Variants in FSD1 observed in about 807,000 individuals in gnomAD.
The protein encoded by FSD1 is fibronectin type III and SPRY domain containing 1.
A neutral mutation model predicts 58.2 loss-of-function variants in FSD1; 23 were observed. That is an observed-to-expected ratio of 0.40 (90% CI 0.28 to 0.56). The LOEUF (loss-of-function observed/expected upper bound fraction) is 0.56, where lower values mean the gene tolerates loss of function less well. FSD1 is among the 20% of genes least tolerant of loss of function. The pLI, the probability that FSD1 is intolerant of heterozygous loss-of-function variation, is 0.54. For synonymous variants in FSD1, 265 were observed against 263.4 expected, an observed-to-expected ratio of 1.01 and a Z score of -0.06; for missense variants, 563 against 670.8, an observed-to-expected ratio of 0.84 and a Z score of 1.78.
At chr19:4,311,135 ACCT>A (rs1357006150) in intron 6 of FSD1, 1 of 152,936 alleles carries the variant, frequency 6.5e-6, no homozygotes, top group East Asian at 2.0e-4. Flanking sequence ...TCCTCCCGAG[ACCT>A]CCTCCCTGGA....
intron 7 of FSD1, among the ~76,000 whole-genome samples, chr19:4,312,445 C>A (rs183495150): frequency 6.6e-6 from 1 of 151,418 alleles, no homozygotes; most frequent in South Asian, 2.1e-4. Context: ...GAGCCGAGAT[C>A]GCGCTATTGC....
rs375422446 is a variant in FSD1 at position 4,322,978 on chromosome 19, C to T, written c.1040-8C>T. On this transcript the variant is annotated splice_region_variant and splice_polypyrimidine_tract_variant and intron_variant, in intron 10 of 12. Transcript: ENST00000221856. ...TCCCCTGCCCACCCCTCCTGCCCTG[C>T]GCCACAGGGGACACGCTGATCGACG... 2.6e-4 allele frequency: 425 copies of T among 1,606,036 alleles called. No homozygotes were observed. Among genetic ancestry groups the T allele is most frequent in the Non-Finnish European group, 3.5e-4 (409 of 1,176,458 alleles).
chr19:4,314,631 C>T (rs1013984429), intron 7 of FSD1, among the ~76,000 whole-genome samples: 4 of 152,060 alleles, frequency 2.6e-5, no homozygotes, highest in African/African-American at 2.4e-5. Flanking sequence ...GGATTACAGG[C>T]GCCCACCACC....
At chr19:4,320,003 C>T (rs1971796785) in intron 10 of FSD1, among the ~76,000 whole-genome samples, 1 of 152,038 alleles carries the variant, frequency 6.6e-6, no homozygotes, top group African/African-American at 2.4e-5. Flanking sequence ...GATCTCAACT[C>T]TGGAGAGAAT....
intron 7 of FSD1, 34 bp from the exon 8 acceptor site, chr19:4,317,148 T>G (rs1971763782): frequency 1.7e-6 from 2 of 1,170,544 alleles, no homozygotes; most frequent in Non-Finnish European, 2.6e-6. Context: ...CAGGGAATAA[T>G]ACACAGTGTT....
At chr19:4,316,095 A>G (rs2144765359) in intron 7 of FSD1, among the ~76,000 whole-genome samples, 1 of 149,494 alleles carries the variant, frequency 6.7e-6, no homozygotes, top group East Asian at 2.0e-4. Context: ...GGTTCTTGCT[A>G]TGTAGCACAG....
intron 7 of FSD1, among the ~76,000 whole-genome samples, chr19:4,313,544 C>T (rs1224597193): frequency 6.6e-6 from 1 of 151,370 alleles, no homozygotes; most frequent in African/African-American, 2.4e-5. Flanking sequence ...ATGGTGAAAC[C>T]CTGTCTCTAC....
intron 7 of FSD1, among the ~76,000 whole-genome samples, chr19:4,313,362 T>C (rs1319155883): frequency 7.5e-6 from 1 of 132,636 alleles, no homozygotes; most frequent in Non-Finnish European, 1.6e-5. Flanking sequence ...GAGAGAAAAA[T>C]AAAGAAAAAA....
chr19:4,323,568 G>T lies in FSD1; in HGVS notation c.1416G>T (p.Leu472=), dbSNP rs1451199675. The change falls in exon 13 of 13, where the codon CTG becomes CTT. Residue 472 remains leucine (L), a synonymous_variant. Coordinates refer to ENST00000221856, the MANE Select transcript of FSD1 (RefSeq NM_024333.3). This position sits in a 1 kb window ranked among gnomAD's most constrained non-coding sequence, Gnocchi z 7.7. The part of the protein sequence containing the change: ...WCGSFQVTTG[L]QVPSAVRCLQ... ...GCAGCTTCCAGGTGACGACAGGCCT[G>T]CAGGTCCCCAGTGCTGTGCGCTGCC... is the stretch of plus-strand genomic sequence containing the variant. The T allele has an allele frequency of 6.2e-7, 1 of 1,612,934 alleles. No individual in the cohort carries two copies. The highest frequency in any genetic ancestry group is 2.2e-5 in the East Asian group (1 of 44,816).
chr19:4,310,148 C>T (rs1971672038), intron 4 of FSD1, 125 bp from the exon 5 acceptor site: 9 of 1,055,098 alleles, frequency 8.5e-6, no homozygotes, highest in Admixed American at 7.0e-5. Context: ...TTGCTTGAAC[C>T]CAGGAGGTGG....
chr19:4,317,140 G>A, intron 7 of FSD1, 42 bp from the exon 8 acceptor site: 1 of 1,108,534 alleles, frequency 9.0e-7, no homozygotes. Context: ...CAGAGTCTCA[G>A]GGAATAATAC....
Position 4,323,725 on chromosome 19 carries a change from T to G in FSD1, c.*82T>G. The G allele has an allele frequency of 1.1e-6, 1 of 924,576 alleles. No homozygotes were observed. The highest frequency in any genetic ancestry group is 1.6e-6 in the Non-Finnish European group (1 of 606,264). The allele number at this position is 924,576 out of a possible 1,614,324, so 57.3% of individuals were successfully genotyped here. On this transcript the variant is annotated 3_prime_UTR_variant, in exon 13 of 13. Coordinates refer to ENST00000221856, the MANE Select transcript of FSD1 (RefSeq NM_024333.3). The surrounding 1 kb of genome is among the most constrained non-coding windows in gnomAD (Gnocchi z 7.7). The stretch of plus-strand genomic sequence containing the variant: ...GCTGCTGGAGCCAGGCACCCTCCTC[T>G]GTCACTTGCTGCTTGGAGCCTTAAC...
intron 6 of FSD1, chr19:4,311,512 T>C (rs1336678509): frequency 3.6e-6 from 1 of 274,604 alleles, no homozygotes; most frequent in Non-Finnish European, 7.1e-6. Context: ...AGAAACCCTG[T>C]CTCTACTAAA....
rs575424927 is a variant in FSD1 at position 4,307,285 on chromosome 19, G to C, written c.244-597G>C. Among the ~76,000 whole-genome samples, 98 of 151,742 alleles carry C rather than the reference G, an allele frequency of 6.5e-4. 2 individuals carry two copies. In the South Asian group the frequency reaches 0.02, roughly 31 times the overall value. On this transcript the variant is annotated intron_variant, in intron 3 of 12. Coordinates refer to ENST00000221856, the MANE Select transcript of FSD1 (RefSeq NM_024333.3). ...TGCCTAGACTAGTCTTGAACTCATG[G>C]GCTCAAGCGATCCTCCTGCCTTGGC...
In FSD1 at chr19:4,323,521, G is replaced by T; in HGVS notation, c.1381-12G>T. On this transcript the variant is annotated splice_polypyrimidine_tract_variant and intron_variant, in intron 12 of 12. Coordinates refer to ENST00000221856, the MANE Select transcript of FSD1 (RefSeq NM_024333.3). This position sits in a 1 kb window ranked among gnomAD's most constrained non-coding sequence, Gnocchi z 7.7. ...AGCTGAGCCCCTCCCCCCTCCCCCC[G>T]CTGTCCCTCAGGTATGGTGTGGCAG... The T allele has an allele frequency of 6.7e-7, 1 of 1,487,782 alleles. No individual in the cohort carries two copies. Among genetic ancestry groups the T allele is most frequent in the Non-Finnish European group, 9.2e-7 (1 of 1,086,784 alleles). 92.2% of individuals were successfully genotyped at this position (1,487,782 alleles called of 1,614,324 possible).
chr19:4,308,380 A>C (rs984831593), intron 4 of FSD1, among the ~76,000 whole-genome samples: 1 of 151,924 alleles, frequency 6.6e-6, no homozygotes, highest in South Asian at 2.1e-4. Flanking sequence ...TGCATTCCAG[A>C]CTGGGCAACA....
intron 4 of FSD1, among the ~76,000 whole-genome samples, chr19:4,308,680 C>T (rs372528387): frequency 1.4e-4 from 22 of 152,106 alleles, no homozygotes; most frequent in East Asian, 1.2e-3. Context: ...AGTGAAACCC[C>T]GTCTCTACTA....
intron 6 of FSD1, 59 bp downstream of exon 6, chr19:4,310,655 A>G: frequency 6.4e-7 from 1 of 1,571,760 alleles, no homozygotes; most frequent in African/African-American, 1.3e-5. Flanking sequence ...GGAGGCTAGG[A>G]GGCCCTGAAA....
chr19:4,305,811 T>C, intron 1 of FSD1, 135 bp from the exon 2 acceptor site: 1 of 690,180 alleles, frequency 1.4e-6, no homozygotes, highest in Non-Finnish European at 2.6e-6. Context: ...TGTGTGCATG[T>C]GTGTGCGCAC....
Sources: gnomAD v4.1 joint callset for allele counts (sites outside exome capture counted in the v4.1 genomes callset) on GRCh38, gnomAD v4.1.1 for gene constraint, Gnocchi (gnomAD v3.1) non-coding constraint, MANE v1.5 for transcripts, NCBI Gene and HGNC (gene_info 2026-07-23, HGNC 2026-07-21) for gene names.